Variants in NBEA observed in about 807,000 individuals in gnomAD.
NBEA encodes the protein lysosomal-trafficking regulator 2.
Under a neutral mutation model 343.4 loss-of-function variants are expected in NBEA, and 44 were observed. The observed-to-expected ratio is 0.13, with a 90% confidence interval of 0.10 to 0.16. NBEA has a LOEUF of 0.16. Ranked by LOEUF, NBEA falls within the 10% of genes least tolerant of loss-of-function variation. The probability of loss-of-function intolerance (pLI) is 1.00; values close to 1 mark genes in which losing one functional copy is unlikely to be tolerated. For missense variants in NBEA, 2,555 were observed against 3,631.3 expected (o/e 0.70, Z 7.62); for synonymous variants, 1,175 against 1,238.7 (o/e 0.95, Z 1.08).
At chr13:35,542,512 A>G (rs1370856937) in intron 41 of NBEA, among the ~76,000 whole-genome samples, 2 of 152,194 alleles carry the variant, frequency 1.3e-5, no homozygotes, top group Non-Finnish European at 2.9e-5. Flanking sequence ...TTTTGATGAT[A>G]GTATTCATTA....
rs929362800 is a variant in NBEA, at chr13:35,084,810, T to G, written c.1572-13487T>G. ...AATCCAGGAGCTGGTTTTTTGAAAA[T>G]ATCAACAAAATTGATAGACCGCTAG... On this transcript the variant is annotated intron_variant, in intron 10 of 58. Transcript: ENST00000379939. Among the ~76,000 whole-genome samples, 258 of 151,648 alleles carry G rather than the reference T, an allele frequency of 1.7e-3. 2 individuals are homozygous for G. Among genetic ancestry groups the G allele is most frequent in the African/African-American group, 6.1e-3 (254 of 41,368 alleles).
At chr13:35,375,035 C>T in intron 38 of NBEA, among the ~76,000 whole-genome samples, 1 of 152,084 alleles carries the variant, frequency 6.6e-6, no homozygotes, top group Non-Finnish European at 1.5e-5. Context: ...CAGAAATTCA[C>T]CTTTGGCTTT....
chr13:35,135,183 A>G (rs140042538), intron 17 of NBEA, among the ~76,000 whole-genome samples: 3 of 152,226 alleles, frequency 2.0e-5, no homozygotes, highest in East Asian at 3.9e-4. Context: ...CTGTGTTTTG[A>G]TATAGTTTCC....
chr13:35,628,217 T>C lies in NBEA; in HGVS notation c.7586T>C (p.Leu2529Pro). 2 of 1,611,740 alleles carry C rather than the reference T, an allele frequency of 1.2e-6. No homozygotes were observed. The highest frequency in any genetic ancestry group is 1.7e-6 in the Non-Finnish European group (2 of 1,178,808). Reference protein sequence around the residue: ...HYLTYEGSVNLDSITDPVLRE... With the variant: ...HYLTYEGSVNPDSITDPVLRE... ...TTGACTTATGAAGGCTCTGTGAACC[T>C]GGATAGTATCACTGATCCTGTGCTC... Residue 2529 changes from leucine to proline, a missense_variant, in exon 49 of 59, where the codon CTG becomes CCG. Coordinates refer to ENST00000379939, the MANE Select transcript of NBEA (RefSeq NM_001385012.1).
chr13:35,368,653 A>G (rs1314065117), intron 38 of NBEA, among the ~76,000 whole-genome samples: 1 of 151,572 alleles, frequency 6.6e-6, no homozygotes, highest in East Asian at 1.9e-4. Flanking sequence ...TATACTCCAG[A>G]TATTTTAAGT....
chr13:35,159,655 C>G lies in NBEA; in HGVS notation c.3484C>G (p.Leu1162Val), dbSNP rs772494015. 1 of 1,611,306 alleles carries G rather than the reference C, an allele frequency of 6.2e-7. No homozygotes were observed. The highest frequency in any genetic ancestry group is 2.2e-5 in the East Asian group (1 of 44,712). ...PKQEEKLLPE[L>V]SSNHIIPNIQ... ...ACAGGAGGAAAAACTACTTCCTGAA[C>G]TTTCTAGCAATCACATTATTCCAAA... is the stretch of plus-strand genomic sequence containing the variant. Residue 1162 changes from leucine to valine, a missense_variant, in exon 22 of 59, where the codon CTT becomes GTT. Physicochemically the swap from Leu to Val is conservative, Grantham distance 32. This residue lies in a region of NBEA where 367 missense variants were observed against 377.5 expected (regional missense o/e 0.97). Transcript: ENST00000379939.
intron 38 of NBEA, among the ~76,000 whole-genome samples, chr13:35,378,009 T>C (rs1487559755): frequency 6.6e-6 from 1 of 152,202 alleles, no homozygotes; most frequent in African/African-American, 2.4e-5. Context: ...TGTCTTAGTA[T>C]TTTTACAAAT....
chr13:35,457,147 T>C (rs1268515091), intron 40 of NBEA, among the ~76,000 whole-genome samples: 1 of 151,988 alleles, frequency 6.6e-6, no homozygotes, highest in Non-Finnish European at 1.5e-5. Context: ...CCCTCTCCCA[T>C]CTCCTCCTGT....
chr13:35,135,389 A>G (rs1460301143), intron 17 of NBEA, among the ~76,000 whole-genome samples: 5 of 152,088 alleles, frequency 3.3e-5, no homozygotes, highest in Non-Finnish European at 7.4e-5. Context: ...AATAATATAT[A>G]CAATGATAGC....
chr13:35,203,282 A>G (rs2073143943), intron 31 of NBEA, among the ~76,000 whole-genome samples: 2 of 152,136 alleles, frequency 1.3e-5, no homozygotes, highest in Admixed American at 1.3e-4. Flanking sequence ...CATGTCACCC[A>G]GTATTCTCTT....
intron 53 of NBEA, among the ~76,000 whole-genome samples, chr13:35,653,198 G>A (rs889113541): frequency 1.3e-5 from 2 of 152,074 alleles, no homozygotes; most frequent in African/African-American, 4.8e-5. Context: ...ATATATGTAA[G>A]ACAGTTTTTA....
chr13:35,267,813 A>G (rs1321535526), intron 34 of NBEA, among the ~76,000 whole-genome samples: 2 of 151,578 alleles, frequency 1.3e-5, no homozygotes, highest in Non-Finnish European at 3.0e-5. Context: ...TCACACCATT[A>G]GGATGGGTAC....
Position 35,161,959 on chromosome 13 carries a change from T to G in NBEA, c.4071T>G (p.Val1357=). The stretch of plus-strand genomic sequence containing the variant: ...TTGCATTAGAAACTGATGTACATGT[T>G]TGGAGGAGGTAGAAATATTTCTTTT... ...LLFALETDVH[V]WRSHSTKSVM... is the part of the protein sequence containing the mutation. Residue 1357 remains valine, a synonymous_variant, in exon 23 of 59, where the codon GTT becomes GTG. Coordinates refer to ENST00000379939, the MANE Select transcript of NBEA (RefSeq NM_001385012.1). 3 of 1,544,408 alleles carry G rather than the reference T, an allele frequency of 1.9e-6. No individual in the cohort carries two copies. Among genetic ancestry groups the G allele is most frequent in the Non-Finnish European group, 2.6e-6 (3 of 1,141,244 alleles).
chr13:35,451,096 A>T (rs1207404196), intron 39 of NBEA, among the ~76,000 whole-genome samples: 3 of 151,824 alleles, frequency 2.0e-5, no homozygotes, highest in African/African-American at 7.3e-5. Flanking sequence ...GCTTATTTTC[A>T]TGTGTTTTGG....
chr13:35,424,747 T>C (rs1401529545), intron 38 of NBEA, among the ~76,000 whole-genome samples: 1 of 152,242 alleles, frequency 6.6e-6, no homozygotes, highest in Non-Finnish European at 1.5e-5. Flanking sequence ...CTTGTACCTC[T>C]GGTAGAATTC....
At chr13:35,263,139 A>G (rs775152831) in intron 34 of NBEA, among the ~76,000 whole-genome samples, 45 of 152,210 alleles carry the variant, frequency 3.0e-4, no homozygotes, top group Non-Finnish European at 4.4e-4. Flanking sequence ...AACCAATGGA[A>G]TACAATCTCT....
At chr13:35,517,693 T>A (rs1442540546) in intron 41 of NBEA, among the ~76,000 whole-genome samples, 4 of 152,174 alleles carry the variant, frequency 2.6e-5, no homozygotes, top group Admixed American at 2.6e-4. Context: ...CAATCAAACG[T>A]GTGTATTTCT....
chr13:35,323,169 T>A (rs920364011), intron 36 of NBEA, among the ~76,000 whole-genome samples: 1 of 152,166 alleles, frequency 6.6e-6, no homozygotes, highest in African/African-American at 2.4e-5. Context: ...TTTTTAACCA[T>A]GTTTAAAATA....
intron 1 of NBEA, among the ~76,000 whole-genome samples, chr13:35,001,650 G>A (rs886335794): frequency 1.3e-5 from 2 of 152,122 alleles, no homozygotes; most frequent in African/African-American, 4.8e-5. Flanking sequence ...GAGTAGAATA[G>A]CAGTTCCTGG....
Sources: allele counts gnomAD v4.1 joint callset (sites outside exome capture counted in the v4.1 genomes callset), GRCh38; gene constraint gnomAD v4.1.1; regional missense constraint gnomAD v4.1.1; transcripts MANE v1.5; gene names NCBI Gene and HGNC (gene_info 2026-07-23, HGNC 2026-07-21).